NEMF: variants seen among roughly 807,000 people sequenced by gnomAD.
NEMF encodes the protein ribosome quality control complex subunit NEMF.
In NEMF, 89 loss-of-function variants were observed where a neutral mutation model predicts 162.2. The observed-to-expected ratio is 0.55, with a 90% CI of 0.46 to 0.65. NEMF has a LOEUF of 0.65. NEMF is among the 30% of genes least tolerant of loss of function. NEMF has a pLI of 0.00. For missense variants in NEMF, 1,133 were observed against 1,261.9 expected (o/e 0.90, Z 1.55); for synonymous variants, 421 against 404.5 (o/e 1.04, Z -0.49).
intron 16 of NEMF, among the ~76,000 whole-genome samples, chr14:49,819,695 G>A (rs901296310): frequency 3.3e-5 from 5 of 151,714 alleles, no homozygotes; most frequent in East Asian, 3.9e-4. Flanking sequence ...GATTACAGGC[G>A]TGAGCCACCG....
At position 49,795,889 on chromosome 14, in the gene NEMF, C is replaced by A. The variant is rs1374905310; in HGVS notation, c.2521G>T (p.Gly841Ter). The A allele has an allele frequency of 2.5e-6, 4 of 1,612,506 alleles. No individual in the cohort carries two copies. The highest frequency in any genetic ancestry group is 3.4e-6 in the Non-Finnish European group (4 of 1,179,174). ...SDSGDLEALE[G>*]KDKEKESTVH... ...GTACTTTCTTTTTCTTTATCCTTTC[C>A]CTCTAACGCTTCTAAATCTCCTGAG... The change falls in exon 26 of 33, where the codon GGA becomes TGA. Residue 841 changes from glycine to a stop codon, truncating the protein, a stop_gained. Coordinates refer to ENST00000298310, the MANE Select transcript of NEMF (RefSeq NM_004713.6). LOFTEE classifies it high-confidence loss of function.
At chr14:49,821,868 A>C (rs1336873688) in intron 16 of NEMF, among the ~76,000 whole-genome samples, 1 of 152,092 alleles carries the variant, frequency 6.6e-6, no homozygotes, top group Non-Finnish European at 1.5e-5. Context: ...GGAATAGAAA[A>C]GGGGGCAAGG....
chr14:49,803,184 G>C, intron 20 of NEMF, 53 bp downstream of exon 20: 1 of 1,238,248 alleles, frequency 8.1e-7, no homozygotes, highest in Non-Finnish European at 1.2e-6. Context: ...TCTCAAACCT[G>C]TCTCCATAAT....
chr14:49,800,957 A>C, intron 22 of NEMF: 1 of 371,682 alleles, frequency 2.7e-6, no homozygotes. Context: ...GAAAACCACA[A>C]CTCTGCCTTA....
At chr14:49,824,621 G>C (rs563995881) in intron 16 of NEMF, among the ~76,000 whole-genome samples, 1 of 151,362 alleles carries the variant, frequency 6.6e-6, no homozygotes, top group African/African-American at 2.4e-5. Context: ...TAAGAGACGG[G>C]GTTTGGCATG....
chr14:49,844,785 T>C, intron 4 of NEMF: 2 of 419,048 alleles, frequency 4.8e-6, no homozygotes, highest in South Asian at 1.7e-5. Context: ...TTTTTCCTTT[T>C]TGAGACTGAA....
intron 25 of NEMF, chr14:49,797,574 G>C (rs1179418104): frequency 6.6e-6 from 1 of 152,178 alleles, no homozygotes; most frequent in Non-Finnish European, 1.5e-5. Context: ...GGCAGAGCTT[G>C]CAGTGAGCCG....
At chr14:49,843,980 T>C (rs150277229) in intron 4 of NEMF, among the ~76,000 whole-genome samples, 95 of 151,858 alleles carry the variant, frequency 6.3e-4, no homozygotes, top group African/African-American at 2.1e-3. Flanking sequence ...ATGCCAGTAA[T>C]ACCAGCTACT....
chr14:49,789,448 A>G lies in NEMF; in HGVS notation c.2697+48T>C, dbSNP rs772242530. On this transcript the variant is annotated intron_variant, in intron 27 of 32. Coordinates refer to ENST00000298310, the MANE Select transcript of NEMF (RefSeq NM_004713.6). ...TGTCATACGCTAGGCAGTGGGCTAG[A>G]TGCCCATTTGAAAAGCAAAAGAAAA... is the stretch of plus-strand genomic sequence containing the variant. 2.5e-6 allele frequency: 4 copies of G among 1,609,576 alleles called. No homozygotes were observed. The South Asian group carries it at 4.5e-5, about 18-fold the overall frequency.
Position 49,800,585 on chromosome 14 carries a change from T to C in NEMF, c.2207A>G (p.Asp736Gly), listed in dbSNP as rs753515235. The C allele has an allele frequency of 6.2e-7, 1 of 1,614,062 alleles. No homozygotes were observed. The highest frequency in any genetic ancestry group is 1.1e-5 in the South Asian group (1 of 91,084). Residue 736 changes from aspartate (D) to glycine (G), a missense_variant, in exon 23 of 33, where the codon GAT (aspartate) becomes GGT (glycine). By Grantham distance (94) the Asp-to-Gly change is moderately conservative. This residue lies in a region of NEMF where 532 missense variants were observed against 578.6 expected (regional missense o/e 0.92). Coordinates refer to ENST00000298310, the MANE Select transcript of NEMF (RefSeq NM_004713.6). ...QEDITLQSGR[D>G]ELNEELIQEE... ...CTGAATGAGCTCCTCATTTAGTTCA[T>C]CTCTGCCACTCTGAAGAGTGATATC...
rs780249578 is a variant in NEMF at position 49,802,488 on chromosome 14, G to A, written c.2060C>T (p.Thr687Ile). 8 of 1,613,676 alleles carry A rather than the reference G, an allele frequency of 5.0e-6. No individual in the cohort carries two copies. The highest frequency in any genetic ancestry group is 1.7e-5 in the Admixed American group (1 of 59,968). Residue 687 changes from threonine to isoleucine, a missense_variant, in exon 22 of 33, where the codon ACA becomes ATA. Physicochemically the swap from Thr to Ile is moderately conservative, Grantham distance 89 (BLOSUM62 -1). Transcript: ENST00000298310. ...DEDMETLASC[T>I]SELISEEMEQ... ...CATTTCTTCTGATATGAGTTCACTT[G>A]TACAACTTGCCAGTGTCTCCATGTC...
chr14:49,798,249 T>C (rs749145630), intron 25 of NEMF, among the ~76,000 whole-genome samples: 1 of 152,262 alleles, frequency 6.6e-6, no homozygotes, highest in Non-Finnish European at 1.5e-5. Flanking sequence ...GTTTAATGAA[T>C]GTGCCACATT....
chr14:49,785,959 A>C (rs1890158979), intron 29 of NEMF: 1 of 152,592 alleles, frequency 6.6e-6, no homozygotes. Flanking sequence ...GTGGATTAAA[A>C]TGATGCAATA....
chr14:49,838,652 TC>T, intron 5 of NEMF, among the ~76,000 whole-genome samples: 1 of 150,508 alleles, frequency 6.6e-6, no homozygotes, highest in South Asian at 2.1e-4. Flanking sequence ...TGGCACGATC[TC>T]GGCTCGCTAC....
chr14:49,805,916 G>C (rs1008301068), intron 19 of NEMF, 105 bp downstream of exon 19: 31 of 579,218 alleles, frequency 5.4e-5, no homozygotes, highest in Non-Finnish European at 8.4e-5. Context: ...ACCAAAAAGA[G>C]TTAGCTCTAT....
At chr14:49,825,496 G>A (rs1594777256) in intron 16 of NEMF, among the ~76,000 whole-genome samples, 1 of 152,184 alleles carries the variant, frequency 6.6e-6, no homozygotes, top group Non-Finnish European at 1.5e-5. Flanking sequence ...ATCCAGCACT[G>A]AGGCTGAGGC....
chr14:49,841,094 G>T (rs576709306), intron 4 of NEMF, among the ~76,000 whole-genome samples: 94 of 150,384 alleles, frequency 6.3e-4, no homozygotes, highest in African/African-American at 2.1e-3. Flanking sequence ...CTACTTGGGA[G>T]GCTGAAGCAG....
chr14:49,801,954 CTTT>C (rs199736302), intron 22 of NEMF, among the ~76,000 whole-genome samples: 11 of 144,540 alleles, frequency 7.6e-5, no homozygotes, highest in Non-Finnish European at 4.6e-5. Context: ...CAATTAAATA[CTTT>C]TTTTTTTTTT....
At chr14:49,840,939 G>A in intron 4 of NEMF, 73 bp from the exon 5 acceptor site, 1 of 1,371,602 alleles carries the variant, frequency 7.3e-7, no homozygotes, top group Non-Finnish European at 1.0e-6. Context: ...GCTCACACCT[G>A]TAACCCCAGC....
Sources: allele counts gnomAD v4.1 joint callset (sites outside exome capture counted in the v4.1 genomes callset), GRCh38; gene constraint gnomAD v4.1.1; regional missense constraint gnomAD v4.1.1; transcripts MANE v1.5; gene names NCBI Gene and HGNC (gene_info 2026-07-23, HGNC 2026-07-21).